The following UPP2 variants were observed in gnomAD, a reference collection of about 807,000 sequenced individuals.
UPP2 encodes the protein UPase 2.
In UPP2, 23 loss-of-function variants were observed where a neutral mutation model predicts 26.7. The observed-to-expected ratio is 0.86, with a 90% CI of 0.62 to 1.22. UPP2 has a LOEUF of 1.22. Ranked by LOEUF, UPP2 falls within the 50% of genes most tolerant of loss-of-function variation. The pLI is 0.00. For missense variants in UPP2, 387 were observed against 396.7 expected (o/e 0.98, Z 0.21); for synonymous variants, 127 against 141.3 (o/e 0.90, Z 0.72).
rs917395651 is a variant in UPP2, at chr2:158,038,077, G to A, written c.147+22191G>A. ...TGCTCTGATTAGAATGTCAACAGTC[G>A]CCTAAAAGACAAAGGCTCTATATTC... is the stretch of plus-strand genomic sequence containing the variant. On this transcript the variant is annotated intron_variant, in intron 3 of 9. Coordinates refer to the UPP2 transcript ENST00000605860. 3.3e-5 allele frequency among the ~76,000 whole-genome samples: 5 copies of A among 152,094 alleles called. No individual in the cohort carries two copies. The South Asian group carries it at 6.2e-4, about 19-fold the overall frequency.
chr2:158,046,676 A>T (rs991351087), intron 3 of UPP2, among the ~76,000 whole-genome samples: 1 of 152,194 alleles, frequency 6.6e-6, no homozygotes, highest in African/African-American at 2.4e-5. Flanking sequence ...TCTTGACAAC[A>T]CGTTGCTTCC....
intron 3 of UPP2, among the ~76,000 whole-genome samples, chr2:158,047,468 T>A (rs190082623): frequency 6.6e-6 from 1 of 152,328 alleles, no homozygotes; most frequent in African/African-American, 2.4e-5. Context: ...AGCATGCTGA[T>A]ATAAGGATTT....
chr2:158,019,166 A>C (rs1268450677), intron 3 of UPP2, among the ~76,000 whole-genome samples: 2 of 152,212 alleles, frequency 1.3e-5, no homozygotes, highest in Non-Finnish European at 2.9e-5. Flanking sequence ...ATGTTCTTGC[A>C]CTAGGGTCAG....
chr2:158,107,866 T>A (rs2105215992), intron 2 of UPP2, among the ~76,000 whole-genome samples: 1 of 152,246 alleles, frequency 6.6e-6, no homozygotes, highest in Admixed American at 6.5e-5. Context: ...GCCTCTATTT[T>A]GCGCTTTGTC....
chr2:158,128,786 G>A (rs904554661), intron 6 of UPP2, among the ~76,000 whole-genome samples: 2 of 152,136 alleles, frequency 1.3e-5, no homozygotes, highest in African/African-American at 4.8e-5. Context: ...TCCATTTTAA[G>A]TGTGGTGAGC....
chr2:158,111,067 C>T (rs1271005542), intron 2 of UPP2, among the ~76,000 whole-genome samples: 5 of 152,162 alleles, frequency 3.3e-5, no homozygotes, highest in Non-Finnish European at 5.9e-5. Context: ...GTGTTTTAGA[C>T]ATGAAGTCCT....
At position 158,058,418 on chromosome 2, in the gene UPP2, C is replaced by CGTGTGTGTGTGTGTGTGTGTGTGT. The variant is rs1558917364; in HGVS notation, c.147+42532_147+42533insGTGTGTGTGTGTGTGTGTGTGTGT. On this transcript the variant is annotated intron_variant, in intron 3 of 9. Transcript: ENST00000605860. The stretch of plus-strand genomic sequence containing the variant: ...TCTCTCTCTCTCTCTCTCCCCCCAA[C>CGTGTGTGTGTGTGTGTGTGTGTGT]CTGTGTGTGTGTGTGTGTGTGTGTG... 2.8e-4 allele frequency among the ~76,000 whole-genome samples: 6 copies of CGTGTGTGTGTGTGTGTGTGTGTGT among 21,416 alleles called. No homozygotes were observed. In the African/African-American group the frequency reaches 2.9e-3, roughly 10 times the overall value. The allele number at this position is 21,416 out of a possible 152,430, so 14.0% of individuals were successfully genotyped here.
At chr2:158,016,280 G>C (rs1683657363) in intron 3 of UPP2, among the ~76,000 whole-genome samples, 1 of 151,756 alleles carries the variant, frequency 6.6e-6, no homozygotes, top group African/African-American at 2.4e-5. Flanking sequence ...TCTCATAAAG[G>C]GCTCACCTTT....
At chr2:158,049,790 T>C (rs957076350) in intron 3 of UPP2, among the ~76,000 whole-genome samples, 2 of 152,206 alleles carry the variant, frequency 1.3e-5, no homozygotes, top group African/African-American at 4.8e-5. Context: ...CTGGGGAATA[T>C]TACCTAGGGA....
At chr2:158,068,523 C>T (rs1037088363) in intron 3 of UPP2, among the ~76,000 whole-genome samples, 1 of 151,714 alleles carries the variant, frequency 6.6e-6, no homozygotes, top group African/African-American at 2.4e-5. Context: ...TGTATTACCT[C>T]CCCCGCTGTT....
At chr2:158,058,992 A>T (rs1200880770) in intron 3 of UPP2, among the ~76,000 whole-genome samples, 1 of 152,148 alleles carries the variant, frequency 6.6e-6, no homozygotes. Context: ...GAGTGAAGGG[A>T]TATGAAGAGG....
intron 2 of UPP2, among the ~76,000 whole-genome samples, chr2:158,113,325 T>A (rs1036689593): frequency 6.6e-6 from 1 of 152,212 alleles, no homozygotes; most frequent in Admixed American, 6.5e-5. Flanking sequence ...TTAAAAAATT[T>A]CCTTGGACTT....
chr2:158,004,443 A>T (rs1683458818), intron 2 of UPP2, among the ~76,000 whole-genome samples: 1 of 152,168 alleles, frequency 6.6e-6, no homozygotes. Flanking sequence ...TATTCACACT[A>T]ATTTTTCCTA....
At chr2:158,127,405 A>G (rs1311780968) in intron 6 of UPP2, among the ~76,000 whole-genome samples, 1 of 152,182 alleles carries the variant, frequency 6.6e-6, no homozygotes, top group Admixed American at 6.5e-5. Flanking sequence ...TATCCCCAGT[A>G]CTTAGAATAA....
intron 3 of UPP2, among the ~76,000 whole-genome samples, chr2:158,042,330 T>G (rs1684093033): frequency 6.6e-6 from 1 of 152,196 alleles, no homozygotes; most frequent in Admixed American, 6.5e-5. Flanking sequence ...CTCGCTTTTT[T>G]TCCTGAGCAT....
At chr2:158,115,778 G>A (rs941043953) in intron 3 of UPP2, among the ~76,000 whole-genome samples, 2 of 152,198 alleles carry the variant, frequency 1.3e-5, no homozygotes, top group Admixed American at 6.5e-5. Context: ...AAAGGGGAAT[G>A]ATTTGCAGTT....
intron 3 of UPP2, among the ~76,000 whole-genome samples, chr2:158,078,457 G>A (rs2105192651): frequency 6.6e-6 from 1 of 152,280 alleles, no homozygotes; most frequent in East Asian, 1.9e-4. Flanking sequence ...GCCATAAAAA[G>A]AATAAGAGCT....
intron 3 of UPP2, among the ~76,000 whole-genome samples, chr2:158,084,375 T>C (rs899182499): frequency 3.3e-5 from 5 of 152,094 alleles, no homozygotes; most frequent in African/African-American, 1.2e-4. Flanking sequence ...CTGATTTGAG[T>C]TCTTTATAGA....
intron 3 of UPP2, among the ~76,000 whole-genome samples, chr2:158,027,754 G>T (rs1446293967): frequency 6.6e-6 from 1 of 152,162 alleles, no homozygotes; most frequent in African/African-American, 2.4e-5. Flanking sequence ...GCAAACTTCT[G>T]CCTGGGTATC....
Sources: gnomAD v4.1 joint callset for allele counts (sites outside exome capture counted in the v4.1 genomes callset) on GRCh38, gnomAD v4.1.1 for gene constraint, MANE v1.5 for transcripts, NCBI Gene and HGNC (gene_info 2026-07-23, HGNC 2026-07-21) for gene names.